The following DOK6 variants were observed in gnomAD, a reference collection of about 807,000 sequenced individuals.
DOK6 encodes docking protein 6.
In DOK6, 22 loss-of-function variants were observed where a neutral mutation model predicts 44.0. The observed-to-expected ratio is 0.50, with a 90% CI of 0.36 to 0.71. DOK6 has a LOEUF of 0.71. Ranked by LOEUF, DOK6 falls within the 30% of genes least tolerant of loss-of-function variation. DOK6 has a pLI of 0.00. For synonymous variants in DOK6, 166 were observed against 145.5 expected, an observed-to-expected ratio of 1.14 and a Z score of -1.01; for missense variants, 340 against 416.4, an observed-to-expected ratio of 0.82 and a Z score of 1.60.
chr18:69,654,183 A>C (rs1985304425), intron 3 of DOK6, among the ~76,000 whole-genome samples: 1 of 152,244 alleles, frequency 6.6e-6, no homozygotes. Context: ...AAGAGCAAAA[A>C]AATATATAAA....
intron 3 of DOK6, among the ~76,000 whole-genome samples, chr18:69,648,655 G>A (rs930165808): frequency 6.6e-6 from 1 of 152,158 alleles, no homozygotes; most frequent in African/African-American, 2.4e-5. Context: ...TTGATAGGTA[G>A]AACATCATTG....
intron 1 of DOK6, among the ~76,000 whole-genome samples, chr18:69,532,208 A>G (rs1982004830): frequency 6.6e-6 from 1 of 152,198 alleles, no homozygotes; most frequent in African/African-American, 2.4e-5. Context: ...AGCCTGAGCT[A>G]AGATATGCCC....
At chr18:69,572,847 C>A (rs2144604181) in intron 2 of DOK6, among the ~76,000 whole-genome samples, 1 of 152,012 alleles carries the variant, frequency 6.6e-6, no homozygotes, top group Admixed American at 6.6e-5. Context: ...ATGACTTTGA[C>A]AAAAGCTGTT....
rs182248183 is a variant in DOK6, at chr18:69,414,907, G to A, written c.66+13597G>A. 2.5e-3 allele frequency among the ~76,000 whole-genome samples: 379 copies of A among 152,178 alleles called. 2 individuals carry two copies. Among genetic ancestry groups the A allele is most frequent in the African/African-American group, 8.8e-3 (364 of 41,556 alleles). On this transcript the variant is annotated intron_variant, in intron 1 of 7. Transcript: ENST00000382713. ...GGGGCACAATTATAGTGGAAGTAGC[G>A]TAGAAAAATGGAAAGAGTACACTCT...
At position 69,530,711 on chromosome 18, in the gene DOK6, G is replaced by A. The variant is rs145398543; in HGVS notation, c.67-33776G>A. ...ATGTGGTCAATTTTGGAATAAGTGC[G>A]ATGTGGTGCTGAGAAGAATGTATAT... On this transcript the variant is annotated intron_variant, in intron 1 of 7. Coordinates refer to ENST00000382713, the MANE Select transcript of DOK6 (RefSeq NM_152721.6). Among the ~76,000 whole-genome samples, 539 of 152,220 alleles carry A rather than the reference G, an allele frequency of 3.5e-3. 1 individual carries two copies. Among genetic ancestry groups the A allele is most frequent in the African/African-American group, 0.011 (457 of 41,548 alleles).
At chr18:69,597,578 G>A (rs1218581902) in intron 2 of DOK6, among the ~76,000 whole-genome samples, 1 of 152,150 alleles carries the variant, frequency 6.6e-6, no homozygotes, top group Non-Finnish European at 1.5e-5. Context: ...GCTGCACTTG[G>A]GGAGCCATTT....
chr18:69,704,352 A>T (rs1209013353), intron 5 of DOK6, among the ~76,000 whole-genome samples: 1 of 152,010 alleles, frequency 6.6e-6, no homozygotes, highest in Non-Finnish European at 1.5e-5. Context: ...TCTTCTTCCT[A>T]CACACTCAAT....
At chr18:69,549,095 C>CA (rs370363528) in intron 1 of DOK6, among the ~76,000 whole-genome samples, 5,427 of 132,340 alleles carry the variant, frequency 0.041, 252 homozygotes, top group African/African-American at 0.11. Flanking sequence ...GACTCCGTCT[C>CA]AAAAAAAAAA....
chr18:69,525,309 G>A lies in DOK6; in HGVS notation c.67-39178G>A, dbSNP rs117738299. 6.7e-3 allele frequency among the ~76,000 whole-genome samples: 1,022 copies of A among 151,654 alleles called. 12 individuals carry two copies. The highest frequency in any genetic ancestry group is 0.011 in the Non-Finnish European group (766 of 67,744). On this transcript the variant is annotated intron_variant, in intron 1 of 7. Coordinates refer to ENST00000382713, the MANE Select transcript of DOK6 (RefSeq NM_152721.6). Reference sequence around the variant, plus strand: ...GATTTTCTTTATTTCAATTTAACTTGTATTTTTTCTTTATATTTTAAAATT... The same window carrying A: ...GATTTTCTTTATTTCAATTTAACTTATATTTTTTCTTTATATTTTAAAATT...
chr18:69,611,265 C>A (rs1352101377), intron 3 of DOK6, among the ~76,000 whole-genome samples: 1 of 152,098 alleles, frequency 6.6e-6, no homozygotes, highest in African/African-American at 2.4e-5. Flanking sequence ...TAGTGACACA[C>A]CTGTCAGCAT....
chr18:69,599,292 T>A (rs924435307), intron 2 of DOK6, 92 bp from the exon 3 acceptor site: 32 of 904,708 alleles, frequency 3.5e-5, no homozygotes, highest in Non-Finnish European at 4.6e-5. Flanking sequence ...TGGAAATTCA[T>A]GTAAGACTGT....
rs1984978068 is a variant in DOK6, at chr18:69,642,857, TG to T, written c.290-34876del. 1.3e-5 allele frequency among the ~76,000 whole-genome samples: 2 copies of T among 152,242 alleles called. 1 individual carries two copies. Among genetic ancestry groups the T allele is most frequent in the Non-Finnish European group, 2.9e-5 (2 of 68,044 alleles). On this transcript the variant is annotated intron_variant, in intron 3 of 7. Coordinates refer to ENST00000382713, the MANE Select transcript of DOK6 (RefSeq NM_152721.6). The stretch of plus-strand genomic sequence containing the variant: ...CTTATTGTAAACATAACTTTCTTTT[TG>T]TAATTAATATTTTGTTCCTCACAAA...
chr18:69,734,654 G>A (rs1325295806), intron 5 of DOK6, among the ~76,000 whole-genome samples: 1 of 152,078 alleles, frequency 6.6e-6, no homozygotes, highest in Non-Finnish European at 1.5e-5. Flanking sequence ...CTAAATATTT[G>A]GTTATTAAAT....
At chr18:69,604,666 C>A (rs186827410) in intron 3 of DOK6, among the ~76,000 whole-genome samples, 118 of 151,630 alleles carry the variant, frequency 7.8e-4, no homozygotes, top group Admixed American at 2.0e-3. Context: ...ACATGCTGAT[C>A]GGGATAAAAA....
In DOK6 at chr18:69,617,614, AAAG is replaced by A. The variant is rs1027923848; in HGVS notation, c.289+18119_289+18121del. On this transcript the variant is annotated intron_variant, in intron 3 of 7. Transcript: ENST00000382713. ...ACAGAAAAGACTGAGCGATAGGAGA[AAAG>A]AAAGAAAGAGGGAGGGAGGAAGGAA... Among the ~76,000 whole-genome samples the A allele has an allele frequency of 9.9e-5, 15 of 151,170 alleles. No individual in the cohort carries two copies. In the East Asian group the frequency reaches 1.7e-3, roughly 18 times the overall value.
At chr18:69,742,436 A>G (rs987836307) in intron 6 of DOK6, among the ~76,000 whole-genome samples, 1 of 151,876 alleles carries the variant, frequency 6.6e-6, no homozygotes, top group Non-Finnish European at 1.5e-5. Flanking sequence ...AAAGAAAAAG[A>G]AAAAGAAAAA....
intron 3 of DOK6, among the ~76,000 whole-genome samples, chr18:69,664,069 T>G (rs1985596309): frequency 6.6e-6 from 1 of 152,222 alleles, no homozygotes; most frequent in African/African-American, 2.4e-5. Context: ...GGTACAAAGC[T>G]AATAGAAAAC....
In DOK6 at chr18:69,464,156, G is replaced by A. The variant is rs536909098; in HGVS notation, c.66+62846G>A. ...AGTATAATAACCTAACAGCATGAGT[G>A]TTGTTTTCATAAACATGTCTGCATA... On this transcript the variant is annotated intron_variant, in intron 1 of 7. Coordinates refer to ENST00000382713, the MANE Select transcript of DOK6 (RefSeq NM_152721.6). 9.9e-5 allele frequency among the ~76,000 whole-genome samples: 15 copies of A among 152,280 alleles called. No individual in the cohort carries two copies. In the South Asian group the frequency reaches 3.1e-3, roughly 32 times the overall value.
intron 1 of DOK6, among the ~76,000 whole-genome samples, chr18:69,442,465 C>A (rs1437203494): frequency 6.6e-6 from 1 of 151,962 alleles, no homozygotes; most frequent in Non-Finnish European, 1.5e-5. Flanking sequence ...GGGAAAAAGC[C>A]CCTTATAAAA....
Sources: gnomAD v4.1 joint callset for allele counts (sites outside exome capture counted in the v4.1 genomes callset) on GRCh38, gnomAD v4.1.1 for gene constraint, MANE v1.5 for transcripts, NCBI Gene and HGNC (gene_info 2026-07-23, HGNC 2026-07-21) for gene names.